The following OPCML variants were observed in gnomAD, a reference collection of about 807,000 sequenced individuals.
OPCML encodes the protein opioid-binding protein/cell adhesion molecule.
In OPCML, 13 loss-of-function variants were observed where a neutral mutation model predicts 37.8. That is an observed-to-expected ratio of 0.34 (90% CI 0.22 to 0.55). OPCML has a LOEUF of 0.55. OPCML is among the 20% of genes least tolerant of loss of function. OPCML has a pLI of 0.91. For missense variants in OPCML, 341 were observed against 435.6 expected (o/e 0.78, Z 1.93); for synonymous variants, 176 against 168.8 (o/e 1.04, Z -0.33).
chr11:132,436,129 G>A lies in OPCML; in HGVS notation c.873C>T (p.Ala291=). 1.2e-6 allele frequency: 2 copies of A among 1,614,118 alleles called. No homozygotes were observed. The highest frequency in any genetic ancestry group is 1.7e-6 in the Non-Finnish European group (2 of 1,180,004). Residue 291 remains alanine, a synonymous_variant, in exon 7 of 8, where the codon GCC becomes GCT. Transcript: ENST00000524381. ...CATTGGTGTTCCCAAGCTTGTTCGTGGCCACACAAGTATAGTTCCCATAAT... is the reference window on the plus strand; with the variant it reads ...CATTGGTGTTCCCAAGCTTGTTCGTAGCCACACAAGTATAGTTCCCATAAT... ...EKDYGNYTCV[A]TNKLGNTNAS... is the part of the protein sequence containing the mutation.
intron 3 of OPCML, among the ~76,000 whole-genome samples, chr11:132,558,179 TA>T (rs1338882085): frequency 6.6e-6 from 1 of 152,006 alleles, no homozygotes; most frequent in Non-Finnish European, 1.5e-5. Context: ...CCCTTCTCCA[TA>T]AAAATTCTGA....
chr11:132,707,333 C>A (rs1944074611), intron 2 of OPCML, among the ~76,000 whole-genome samples: 1 of 152,134 alleles, frequency 6.6e-6, no homozygotes, highest in South Asian at 2.1e-4. Flanking sequence ...TCCAGCAGAC[C>A]ACAGGAGATC....
chr11:132,563,713 G>C (rs973970846), intron 3 of OPCML, among the ~76,000 whole-genome samples: 1 of 151,946 alleles, frequency 6.6e-6, no homozygotes, highest in Admixed American at 6.6e-5. Context: ...TCTATGAATG[G>C]GATCTGCAGA....
chr11:133,230,235 G>A (rs934558324), intron 1 of OPCML, among the ~76,000 whole-genome samples: 5 of 152,192 alleles, frequency 3.3e-5, no homozygotes, highest in Non-Finnish European at 7.3e-5. Context: ...AAATTCAGTG[G>A]AAAGGGGAAC....
At chr11:132,751,149 TC>T (rs1591555448) in intron 2 of OPCML, among the ~76,000 whole-genome samples, 1 of 152,184 alleles carries the variant, frequency 6.6e-6, no homozygotes, top group East Asian at 1.9e-4. Flanking sequence ...AAATCCAACC[TC>T]CCCTGTCCCT....
intron 3 of OPCML, among the ~76,000 whole-genome samples, chr11:132,610,823 A>T (rs1009595614): frequency 2.6e-5 from 4 of 152,216 alleles, no homozygotes; most frequent in African/African-American, 9.6e-5. Context: ...ACTGGAAAGA[A>T]AAACATTTTC....
At chr11:132,573,085 G>A (rs1216187842) in intron 3 of OPCML, among the ~76,000 whole-genome samples, 2 of 151,544 alleles carry the variant, frequency 1.3e-5, no homozygotes, top group East Asian at 3.9e-4. Flanking sequence ...ACTACATTTT[G>A]TATGTTGATT....
chr11:132,558,616 T>C (rs1194634829), intron 3 of OPCML, among the ~76,000 whole-genome samples: 1 of 150,170 alleles, frequency 6.7e-6, no homozygotes, highest in Non-Finnish European at 1.5e-5. Flanking sequence ...AGTTCATCTA[T>C]ATGAACCATC....
intron 1 of OPCML, among the ~76,000 whole-genome samples, chr11:133,032,864 A>G (rs1434954809): frequency 6.6e-6 from 1 of 152,202 alleles, no homozygotes; most frequent in Non-Finnish European, 1.5e-5. Context: ...AAACTTCCCA[A>G]ACATCTGCTG....
At chr11:133,439,298 T>G (rs1176122641) in intron 1 of OPCML, 18 of 984,456 alleles carry the variant, frequency 1.8e-5, no homozygotes, top group Admixed American at 6.2e-5. Context: ...AGATGTTTTT[T>G]TTTTTTTTTT....
At chr11:132,818,660 A>ATATACATATATATATATATATAT in intron 2 of OPCML, among the ~76,000 whole-genome samples, 1 of 115,546 alleles carries the variant, frequency 8.7e-6, no homozygotes, top group African/African-American at 3.2e-5. Flanking sequence ...ATATATATAT[A>ATATACATATATATATATATATAT]GACAGATTAT....
intron 1 of OPCML, among the ~76,000 whole-genome samples, chr11:133,459,131 A>C (rs923410445): frequency 2.0e-5 from 3 of 152,140 alleles, no homozygotes; most frequent in East Asian, 1.9e-4. Context: ...GTATGTGACT[A>C]AAGTTACATT....
intron 2 of OPCML, among the ~76,000 whole-genome samples, chr11:132,755,258 C>T (rs552378480): frequency 1.3e-5 from 2 of 152,264 alleles, no homozygotes; most frequent in East Asian, 3.9e-4. Context: ...AAGTTAATTA[C>T]ACCCACTATG....
rs183906131 is a variant in OPCML at position 132,904,126 on chromosome 11, G to C, written c.146+38800C>G. On this transcript the variant is annotated intron_variant, in intron 2 of 7. Coordinates refer to ENST00000524381, the MANE Select transcript of OPCML (RefSeq NM_001012393.5). ...TGTGGGGGAAAAGGGGAGAGGAGAA[G>C]AGATGGACTCACACTCAGCTGGAAA... Among the ~76,000 whole-genome samples the C allele has an allele frequency of 6.6e-5, 10 of 152,270 alleles. No homozygotes were observed. The East Asian group carries it at 1.9e-3, about 29-fold the overall frequency.
intron 3 of OPCML, among the ~76,000 whole-genome samples, chr11:132,648,220 A>G (rs772894424): frequency 2.0e-5 from 3 of 152,206 alleles, no homozygotes; most frequent in East Asian, 1.9e-4. Context: ...ACATTAATCT[A>G]TCAGGAGAGT....
chr11:132,452,964 TCTC>T (rs1315417997), intron 4 of OPCML, among the ~76,000 whole-genome samples: 1 of 152,274 alleles, frequency 6.6e-6, no homozygotes, highest in South Asian at 2.1e-4. Flanking sequence ...TGCTTATAAG[TCTC>T]CTCTGTATAG....
intron 3 of OPCML, among the ~76,000 whole-genome samples, chr11:132,638,730 C>G (rs2135715846): frequency 6.6e-6 from 1 of 152,250 alleles, no homozygotes; most frequent in South Asian, 2.1e-4. Context: ...AGACTCAGTG[C>G]ATGAGGACTG....
intron 2 of OPCML, among the ~76,000 whole-genome samples, chr11:132,706,221 T>C (rs1355007502): frequency 6.6e-6 from 1 of 152,144 alleles, no homozygotes; most frequent in Non-Finnish European, 1.5e-5. Flanking sequence ...AGACTCCAAG[T>C]GCTTGTGTTT....
intron 1 of OPCML, among the ~76,000 whole-genome samples, chr11:132,955,631 C>G (rs1945961588): frequency 6.6e-6 from 1 of 152,148 alleles, no homozygotes; most frequent in Non-Finnish European, 1.5e-5. Context: ...TGCCTGTAAT[C>G]CCAGCACTTT....
Sources: gnomAD v4.1 joint callset for allele counts (sites outside exome capture counted in the v4.1 genomes callset) on GRCh38, gnomAD v4.1.1 for gene constraint, MANE v1.5 for transcripts, NCBI Gene and HGNC (gene_info 2026-07-23, HGNC 2026-07-21) for gene names.